Variants in DTNA observed in about 807,000 individuals in gnomAD.
DTNA encodes the protein dystrophin-related protein 3.
Under a neutral mutation model 100.7 loss-of-function variants are expected in DTNA, and 43 were observed. The observed-to-expected ratio is 0.43, with a 90% CI of 0.33 to 0.55. The LOEUF (loss-of-function observed/expected upper bound fraction) is 0.55. DTNA is among the 20% of genes least tolerant of loss of function. The pLI is 0.04. For missense variants in DTNA, 798 were observed against 953.9 expected (o/e 0.84, Z 2.15); for synonymous variants, 349 against 347.9 (o/e 1.00, Z -0.04).
chr18:34,857,022 G>GCT (rs2096560569), intron 15 of DTNA, among the ~76,000 whole-genome samples: 2 of 152,166 alleles, frequency 1.3e-5, no homozygotes, highest in African/African-American at 4.8e-5. Context: ...GCTCTGCAGG[G>GCT]GCACCTGGGA....
intron 1 of DTNA, among the ~76,000 whole-genome samples, chr18:34,512,723 C>T (rs2041213994): frequency 6.6e-6 from 1 of 151,920 alleles, no homozygotes; most frequent in South Asian, 2.1e-4. Flanking sequence ...AACTTTAGGG[C>T]CCTAGTCATA....
Position 34,563,510 on chromosome 18 carries a change from G to A in DTNA, c.-2+69996G>A, listed in dbSNP as rs537304642. Among the ~76,000 whole-genome samples, 9 of 152,298 alleles carry A rather than the reference G, an allele frequency of 5.9e-5. No individual in the cohort carries two copies. The South Asian group carries it at 1.9e-3, about 32-fold the overall frequency. ...GGAAACTAACAGAGGGCTTTGTAGGGTTTATGTTTTAAGAGTATTCTTTGC... is the reference window on the plus strand; with the variant it reads ...GGAAACTAACAGAGGGCTTTGTAGGATTTATGTTTTAAGAGTATTCTTTGC... On this transcript the variant is annotated intron_variant, in intron 1 of 19. Coordinates refer to the DTNA transcript ENST00000283365.
At chr18:34,747,981 T>A (rs1295353730) in intron 1 of DTNA, among the ~76,000 whole-genome samples, 1 of 152,194 alleles carries the variant, frequency 6.6e-6, no homozygotes, top group East Asian at 1.9e-4. Flanking sequence ...CTATTATTTT[T>A]TGACATTTTA....
chr18:34,777,311 G>A (rs747280386), intron 3 of DTNA, among the ~76,000 whole-genome samples: 1 of 152,156 alleles, frequency 6.6e-6, no homozygotes, highest in Non-Finnish European at 1.5e-5. Context: ...CTACTGGGGA[G>A]GAGCTCTTGA....
At chr18:34,518,677 T>TA (rs1226518850) in intron 1 of DTNA, among the ~76,000 whole-genome samples, 1 of 108,662 alleles carries the variant, frequency 9.2e-6, no homozygotes, top group East Asian at 4.0e-4. Context: ...AATTTTGACT[T>TA]ACCGTTTTTT....
chr18:34,707,351 A>G (rs2082245711), upstream of DTNA, among the ~76,000 whole-genome samples: 1 of 152,222 alleles, frequency 6.6e-6, no homozygotes, highest in South Asian at 2.1e-4. Context: ...TAAGTGGGTC[A>G]CAAGAGCACA....
chr18:34,654,043 A>AG (rs1393883768), intron 1 of DTNA, among the ~76,000 whole-genome samples: 1 of 152,128 alleles, frequency 6.6e-6, no homozygotes, highest in Non-Finnish European at 1.5e-5. Flanking sequence ...TTCCTATGAG[A>AG]GGAAGGCTTG....
At chr18:34,628,118 C>G (rs1166708263) in intron 1 of DTNA, among the ~76,000 whole-genome samples, 1 of 152,244 alleles carries the variant, frequency 6.6e-6, no homozygotes, top group East Asian at 1.9e-4. Flanking sequence ...GAATTCTAAT[C>G]CTTAAGAAGA....
chr18:34,868,624 C>G, intron 17 of DTNA: 1 of 985,358 alleles, frequency 1.0e-6, no homozygotes, highest in Non-Finnish European at 1.2e-6. Context: ...TATCATAAGT[C>G]TGTGTGGTTC....
intron 1 of DTNA, among the ~76,000 whole-genome samples, chr18:34,515,634 G>A (rs960117488): frequency 3.9e-5 from 6 of 152,048 alleles, no homozygotes; most frequent in Non-Finnish European, 2.9e-5. Context: ...GCTGTGTTAC[G>A]TTTCCAGTTT....
At chr18:34,672,367 A>T (rs2076873588) in intron 1 of DTNA, among the ~76,000 whole-genome samples, 1 of 152,190 alleles carries the variant, frequency 6.6e-6, no homozygotes, top group African/African-American at 2.4e-5. Context: ...TGTATTTTTT[A>T]AAAAGATACA....
chr18:34,818,959 G>A (rs2095652174), intron 8 of DTNA, among the ~76,000 whole-genome samples: 1 of 152,154 alleles, frequency 6.6e-6, no homozygotes, highest in Non-Finnish European at 1.5e-5. Context: ...CCAGGTCTGT[G>A]GGAGGAAATG....
intron 4 of DTNA, among the ~76,000 whole-genome samples, chr18:34,800,840 A>G (rs1000919757): frequency 2.0e-5 from 3 of 152,186 alleles, no homozygotes; most frequent in African/African-American, 7.2e-5. Context: ...ACCGATCAAT[A>G]TCTATTTGTT....
At chr18:34,594,853 A>G (rs2050266048) in intron 1 of DTNA, among the ~76,000 whole-genome samples, 1 of 152,058 alleles carries the variant, frequency 6.6e-6, no homozygotes, top group African/African-American at 2.4e-5. Flanking sequence ...CCTGATGAAT[A>G]TGACTACTCA....
At chr18:34,769,369 A>AAT (rs1294261932) in intron 3 of DTNA, among the ~76,000 whole-genome samples, 1 of 152,194 alleles carries the variant, frequency 6.6e-6, no homozygotes, top group Admixed American at 6.5e-5. Flanking sequence ...GTCAACATTG[A>AAT]ATATATTCGC....
intron 1 of DTNA, among the ~76,000 whole-genome samples, chr18:34,656,449 G>A (rs1385250696): frequency 6.6e-6 from 1 of 152,064 alleles, no homozygotes; most frequent in Non-Finnish European, 1.5e-5. Flanking sequence ...CCTCTTTAGG[G>A]GAACAGGGTG....
intron 1 of DTNA, among the ~76,000 whole-genome samples, chr18:34,526,673 G>T (rs2042652840): frequency 6.6e-6 from 1 of 152,068 alleles, no homozygotes. Context: ...ACTTCATAGA[G>T]GGAGTCAGTC....
At chr18:34,605,392 T>C (rs991637222) in intron 1 of DTNA, among the ~76,000 whole-genome samples, 8 of 152,182 alleles carry the variant, frequency 5.3e-5, no homozygotes, top group Non-Finnish European at 1.2e-4. Context: ...AATATAAGAA[T>C]GTAATTAAAA....
At chr18:34,638,852 G>T (rs1283485235) in intron 1 of DTNA, among the ~76,000 whole-genome samples, 1 of 151,960 alleles carries the variant, frequency 6.6e-6, no homozygotes, top group Admixed American at 6.6e-5. Flanking sequence ...TGTTTGTTTT[G>T]TTTTTTGAAG....
Sources: allele counts gnomAD v4.1 joint callset (sites outside exome capture counted in the v4.1 genomes callset), GRCh38; gene constraint gnomAD v4.1.1; transcripts MANE v1.5; gene names NCBI Gene and HGNC (gene_info 2026-07-23, HGNC 2026-07-21).